RAD17: variants seen among roughly 807,000 people sequenced by gnomAD.
RAD17 encodes the protein RAD17 checkpoint clamp loader component.
In RAD17, 31 loss-of-function variants were observed where a neutral mutation model predicts 81.5. The observed-to-expected ratio is 0.38, with a 90% confidence interval of 0.29 to 0.51. The LOEUF is 0.51. Among genes scored for constraint, RAD17 ranks in the 20% least tolerant of loss-of-function variants. The pLI is 0.88. For synonymous variants in RAD17, 261 were observed against 266.2 expected (o/e 0.98, Z 0.19); for missense variants, 681 against 781.2 (o/e 0.87, Z 1.53).
Position 69,371,104 on chromosome 5 carries a change from A to G in RAD17, c.-347A>G, listed in dbSNP as rs1009599275. 6.7e-6 allele frequency: 3 copies of G among 450,116 alleles called. No individual in the cohort carries two copies. Among genetic ancestry groups the G allele is most frequent in the African/African-American group, 6.2e-5 (3 of 48,376 alleles). 27.9% of individuals were successfully genotyped at this position (450,116 alleles called of 1,614,324 possible). ...TGAAGACCTGCAACTGTAATTTGAA[A>G]TAAGGAAAACTTTAATTTTCAGTAT... is the stretch of plus-strand genomic sequence containing the variant. On this transcript the variant is annotated 5_prime_UTR_variant, in exon 2 of 19. Transcript: ENST00000354868.
At chr5:69,396,370 T>C in intron 15 of RAD17, 27 bp from the exon 16 acceptor site, 1 of 1,591,362 alleles carries the variant, frequency 6.3e-7, no homozygotes, top group East Asian at 2.2e-5. Flanking sequence ...AAATCTATTT[T>C]CTTTCACATC....
At chr5:69,385,251 T>C (rs948036476) in intron 8 of RAD17, among the ~76,000 whole-genome samples, 17 of 146,680 alleles carry the variant, frequency 1.2e-4, no homozygotes, top group Admixed American at 4.8e-4. Flanking sequence ...TGAGCCACCA[T>C]GCCTGGCCTA....
In RAD17 at chr5:69,384,690, C is replaced by T; in HGVS notation, c.509-107C>T. ...TGATTTTTCCTAATTGGGAAATAGT[C>T]TACAGTATTGTGAGATGCATCAAGT... is the stretch of plus-strand genomic sequence containing the variant. On this transcript the variant is annotated intron_variant, in intron 7 of 18. Transcript: ENST00000354868. 15 of 1,031,200 alleles carry T rather than the reference C, an allele frequency of 1.5e-5. No individual in the cohort carries two copies. The South Asian group carries it at 2.5e-4, about 17-fold the overall frequency. The allele number at this position is 1,031,200 out of a possible 1,614,324, so 63.9% of individuals were successfully genotyped here. A position where few individuals can be genotyped will look rare whatever the true frequency, so the allele number is the denominator to read the frequency against.
chr5:69,385,004 G>T (rs1764096553), intron 8 of RAD17, 71 bp downstream of exon 8: 2 of 1,332,010 alleles, frequency 1.5e-6, no homozygotes, highest in East Asian at 5.5e-5. Context: ...CTGTCACCCA[G>T]GCTGGAGTGC....
rs746372447 is a variant in RAD17, at chr5:69,414,159, C to T, written c.1880C>T (p.Pro627Leu). The change falls in exon 19 of 19, where the codon CCG becomes CTG. Residue 627 changes from proline (P) to leucine (L), a missense_variant. By Grantham distance (98) the Pro-to-Leu change is moderately conservative (BLOSUM62 -3). Coordinates refer to ENST00000354868, the MANE Select transcript of RAD17 (RefSeq NM_133338.3). The stretch of plus-strand genomic sequence containing the variant: ...GGTGAACCCACTCAAGCCACTGTGC[C>T]GGAAACCTGGTCTCTTCCTTTGAGT... ...SLGEPTQATV[P>L]ETWSLPLSQN... 10 of 1,614,094 alleles carry T rather than the reference C, an allele frequency of 6.2e-6. No individual in the cohort carries two copies. The highest frequency in any genetic ancestry group is 2.2e-5 in the South Asian group (2 of 91,080).
At chr5:69,374,143 T>C in intron 5 of RAD17, 56 bp downstream of exon 5, 1 of 1,405,466 alleles carries the variant, frequency 7.1e-7, no homozygotes. Flanking sequence ...TGCATAAGGG[T>C]AGATGGGAAG....
rs1763056549 is a variant in RAD17, at chr5:69,372,287, T to C, written c.9+70T>C. 1.3e-5 allele frequency: 17 copies of C among 1,340,114 alleles called. No homozygotes were observed. In the East Asian group the frequency reaches 3.9e-4, roughly 31 times the overall value. The allele number at this position is 1,340,114 out of a possible 1,614,324, so 83.0% of individuals were successfully genotyped here. On this transcript the variant is annotated intron_variant, in intron 4 of 18. Transcript: ENST00000354868. ...CCACTGCCGATAATATTCCTAACTC[T>C]GTCTTAAAAGAAGAGTGAAGTGTGA...
chr5:69,369,349 T>G, upstream of RAD17: 1 of 1,183,088 alleles, frequency 8.5e-7, no homozygotes, highest in Non-Finnish European at 1.1e-6. Flanking sequence ...CTCGTGGCCC[T>G]CGGCCGGCCT....
intron 11 of RAD17, among the ~76,000 whole-genome samples, chr5:69,387,201 G>A (rs1764268074): frequency 6.6e-6 from 1 of 152,006 alleles, no homozygotes; most frequent in African/African-American, 2.4e-5. Context: ...TGAGATTTCA[G>A]GCATGAGCCT....
At chr5:69,408,190 A>C (rs1052118160) in intron 17 of RAD17, among the ~76,000 whole-genome samples, 3 of 150,616 alleles carry the variant, frequency 2.0e-5, no homozygotes, top group Non-Finnish European at 3.0e-5. Flanking sequence ...TTACAGTCAT[A>C]ATTTTTTGTT....
chr5:69,391,909 A>G lies in RAD17; in HGVS notation c.1085A>G (p.Lys362Arg). The G allele has an allele frequency of 6.3e-7, 1 of 1,595,796 alleles. No individual in the cohort carries two copies. The highest frequency in any genetic ancestry group is 1.7e-4 in the Middle Eastern group (1 of 5,920). The change falls in exon 13 of 19, where the codon AAA becomes AGA. Residue 362 changes from lysine (K) to arginine (R), a missense_variant. Coordinates refer to ENST00000354868, the MANE Select transcript of RAD17 (RefSeq NM_133338.3). The stretch of plus-strand genomic sequence containing the variant: ...GTGCTGTCAAAATCAAAACGAAGAA[A>G]AAAACCTGATAGGGTTTTTGAAAAT... ...DAVLSKSKRR[K>R]KPDRVFENQE...
intron 12 of RAD17, 119 bp from the exon 13 acceptor site, chr5:69,391,712 T>C (rs1241103733): frequency 1.3e-6 from 1 of 791,726 alleles, no homozygotes; most frequent in African/African-American, 1.8e-5. Context: ...TTTATAATTT[T>C]TGTTTATTAG....
chr5:69,374,037 T>G lies in RAD17; in HGVS notation c.217T>G (p.Tyr73Asp). The change falls in exon 5 of 19, where the codon TAT becomes GAT. Residue 73 changes from tyrosine to aspartate, a missense_variant. Transcript: ENST00000354868. The part of the protein sequence containing the change: ...QIYGLENSKE[Y>D]LSENEPWVDK... ...TTATGGTTTAGAAAATTCAAAAGAATATCTGTCTGAAAATGAACCATGGGT... is the reference window on the plus strand; with the variant it reads ...TTATGGTTTAGAAAATTCAAAAGAAGATCTGTCTGAAAATGAACCATGGGT... The G allele has an allele frequency of 6.2e-7, 1 of 1,611,022 alleles. No homozygotes were observed. Among genetic ancestry groups the G allele is most frequent in the Non-Finnish European group, 8.5e-7 (1 of 1,178,054 alleles).
intron 6 of RAD17, among the ~76,000 whole-genome samples, chr5:69,377,856 G>A (rs1339096396): frequency 1.3e-5 from 2 of 151,634 alleles, no homozygotes; most frequent in Admixed American, 6.6e-5. Context: ...CAGAGGTGCT[G>A]TCATAGCTCA....
intron 5 of RAD17, 142 bp downstream of exon 5, chr5:69,374,229 A>G (rs1476327240): frequency 6.8e-6 from 5 of 734,892 alleles, no homozygotes; most frequent in South Asian, 2.3e-5. Context: ...GGATTTTTTT[A>G]TTTTCCAAGG....
At chr5:69,393,619 A>T in intron 15 of RAD17, 119 bp downstream of exon 15, 1 of 952,938 alleles carries the variant, frequency 1.0e-6, no homozygotes, top group Non-Finnish European at 1.5e-6. Flanking sequence ...CTTCATAACT[A>T]TGCTAAAGTT....
chr5:69,387,317 T>G (rs969144614), intron 11 of RAD17, among the ~76,000 whole-genome samples: 3 of 152,166 alleles, frequency 2.0e-5, no homozygotes, highest in African/African-American at 7.2e-5. Context: ...GCGTCATGGT[T>G]TTAGGGAATC....
intron 6 of RAD17, among the ~76,000 whole-genome samples, chr5:69,379,751 C>T (rs1763729533): frequency 1.3e-5 from 2 of 152,094 alleles, no homozygotes; most frequent in South Asian, 4.1e-4. Flanking sequence ...CACTGTCTTC[C>T]ACCTCTATGT....
intron 6 of RAD17, among the ~76,000 whole-genome samples, chr5:69,380,363 G>C (rs1476531947): frequency 6.6e-6 from 1 of 152,110 alleles, no homozygotes; most frequent in African/African-American, 2.4e-5. Flanking sequence ...CCACAAACAT[G>C]AGTGATGTTT....
Sources: gnomAD v4.1 joint callset for allele counts (sites outside exome capture counted in the v4.1 genomes callset) on GRCh38, gnomAD v4.1.1 for gene constraint, MANE v1.5 for transcripts, NCBI Gene and HGNC (gene_info 2026-07-23, HGNC 2026-07-21) for gene names.